Variants in PLEKHG1 observed in about 807,000 individuals in gnomAD.
PLEKHG1 encodes the protein pleckstrin homology and RhoGEF domain containing G1.
In PLEKHG1, 44 loss-of-function variants were observed where a neutral mutation model predicts 100.8. That is an observed-to-expected ratio of 0.44 (90% CI 0.34 to 0.56). The LOEUF is 0.56. Among genes scored for constraint, PLEKHG1 ranks in the 20% least tolerant of loss-of-function variants. The pLI is 0.01. For missense variants in PLEKHG1, 1,545 were observed against 1,720.9 expected, an observed-to-expected ratio of 0.90 and a Z score of 1.81; for synonymous variants, 640 against 662.5, an observed-to-expected ratio of 0.97 and a Z score of 0.52.
At chr6:150,704,906 AG>A (rs1780943257) in intron 3 of PLEKHG1, among the ~76,000 whole-genome samples, 2 of 152,178 alleles carry the variant, frequency 1.3e-5, no homozygotes, top group Non-Finnish European at 2.9e-5. Context: ...GCATAGAGAG[AG>A]AGCAAGATCT....
chr6:150,638,133 T>A (rs1008836417), intron 2 of PLEKHG1: 5 of 152,224 alleles, frequency 3.3e-5, no homozygotes, highest in African/African-American at 1.2e-4. Flanking sequence ...AAGGTATTGT[T>A]CTTCAAAGAT....
chr6:150,828,200 T>C, intron 14 of PLEKHG1: 1 of 1,613,934 alleles, frequency 6.2e-7, no homozygotes, highest in Non-Finnish European at 8.5e-7. Context: ...CTCAGTTTAT[T>C]GGTCCTCTGA....
intron 15 of PLEKHG1, among the ~76,000 whole-genome samples, chr6:150,839,054 A>C (rs1221255950): frequency 6.6e-6 from 1 of 152,188 alleles, no homozygotes; most frequent in Non-Finnish European, 1.5e-5. Context: ...AGACAAAAAA[A>C]GAATGATGGG....
intron 1 of PLEKHG1, among the ~76,000 whole-genome samples, chr6:150,612,391 G>A (rs767158752): frequency 6.6e-6 from 1 of 152,132 alleles, no homozygotes; most frequent in Non-Finnish European, 1.5e-5. Context: ...GGAGTGCAGT[G>A]GCATGATCTC....
At chr6:150,751,456 A>G (rs111782469) in intron 2 of PLEKHG1, among the ~76,000 whole-genome samples, 5 of 152,314 alleles carry the variant, frequency 3.3e-5, no homozygotes, top group African/African-American at 9.6e-5. Flanking sequence ...GCATAAGTCT[A>G]CTGATGACTA....
chr6:150,811,210 A>G (rs1787505026), intron 10 of PLEKHG1, among the ~76,000 whole-genome samples: 1 of 152,092 alleles, frequency 6.6e-6, no homozygotes, highest in Non-Finnish European at 1.5e-5. Flanking sequence ...TAAAGTGTTC[A>G]ATTGCGTTGA....
intron 1 of PLEKHG1, among the ~76,000 whole-genome samples, chr6:150,730,763 C>T (rs1048369952): frequency 2.6e-5 from 4 of 151,964 alleles, no homozygotes; most frequent in African/African-American, 7.3e-5. Context: ...ATTAGCTGGG[C>T]GTGGTGGCAC....
chr6:150,680,102 G>A (rs4869927), intron 3 of PLEKHG1, among the ~76,000 whole-genome samples: 27,815 of 152,136 alleles, frequency 0.18, 2,611 homozygotes, highest in South Asian at 0.26. Flanking sequence ...TTCAGCTGAT[G>A]GGGTAAGGAT....
chr6:150,649,184 A>G (rs1582880290), intron 2 of PLEKHG1, among the ~76,000 whole-genome samples: 1 of 152,196 alleles, frequency 6.6e-6, no homozygotes, highest in East Asian at 1.9e-4. Context: ...TACTCCTCCT[A>G]TGCAGAATAA....
At chr6:150,756,822 G>A (rs9397348) in intron 2 of PLEKHG1, among the ~76,000 whole-genome samples, 46,669 of 152,000 alleles carry the variant, frequency 0.31, 9,248 homozygotes, top group African/African-American at 0.56. Flanking sequence ...AATGAACACT[G>A]TTTGAGTACG....
intron 3 of PLEKHG1, among the ~76,000 whole-genome samples, chr6:150,659,124 G>T (rs1167203527): frequency 6.6e-6 from 1 of 151,296 alleles, no homozygotes; most frequent in Non-Finnish European, 1.5e-5. Flanking sequence ...CACCCGTGTT[G>T]GGACTGGGTT....
chr6:150,832,137 A>G (rs775537218), exon 15 of PLEKHG1: 2 of 1,613,274 alleles, frequency 1.2e-6, no homozygotes, highest in African/African-American at 1.3e-5. Context: ...GCCAGTCAGC[A>G]TCAGAAATCC....
intron 12 of PLEKHG1, among the ~76,000 whole-genome samples, chr6:150,820,008 G>A (rs962309511): frequency 4.0e-5 from 6 of 151,672 alleles, no homozygotes; most frequent in Non-Finnish European, 7.4e-5. Flanking sequence ...TCAGGAGTTC[G>A]AAACCAGCCT....
chr6:150,737,281 A>ATTT (rs34129872), intron 2 of PLEKHG1, among the ~76,000 whole-genome samples: 7 of 117,030 alleles, frequency 6.0e-5, no homozygotes, highest in East Asian at 5.1e-4. Context: ...TCATATGGGT[A>ATTT]TTTTTTTTTT....
rs201618525 is a variant in PLEKHG1, at chr6:150,809,891, C to CAAAA, written c.1278+168_1278+171dup. ...CAAAATAAAAACAAAGAGACTGGGT[C>CAAAA]AAAAAAAAAAAAAAGAGTTTAGAAT... On this transcript the variant is annotated intron_variant, in intron 10 of 15. Coordinates refer to ENST00000358517, the Ensembl canonical transcript of PLEKHG1. Among the ~76,000 whole-genome samples the CAAAA allele has an allele frequency of 2.8e-3, 381 of 135,792 alleles. 4 individuals carry two copies. Among genetic ancestry groups the CAAAA allele is most frequent in the African/African-American group, 6.4e-3 (239 of 37,580 alleles). 89.1% of individuals were successfully genotyped at this position (135,792 alleles called of 152,430 possible).
At position 150,818,112 on chromosome 6, in the gene PLEKHG1, T is replaced by A. The variant is rs1374089602; in HGVS notation, c.1279-71T>A. ...ATCTATTTATTCAGGTGGGATAAGA[T>A]CTGTGTTGAGATTTGGAGTTTAAAG... On this transcript the variant is annotated intron_variant, in intron 10 of 15. Transcript: ENST00000358517. 8 of 1,103,042 alleles carry A rather than the reference T, an allele frequency of 7.3e-6. No individual in the cohort carries two copies. The Admixed American group carries it at 1.3e-4, about 18-fold the overall frequency. The allele number at this position is 1,103,042 out of a possible 1,614,324, so 68.3% of individuals were successfully genotyped here. A position where few individuals can be genotyped will look rare whatever the true frequency, so the allele number is the denominator to read the frequency against.
intron 1 of PLEKHG1, among the ~76,000 whole-genome samples, chr6:150,728,566 AC>A (rs1336662327): frequency 6.6e-6 from 1 of 151,634 alleles, no homozygotes; most frequent in Non-Finnish European, 1.5e-5. Flanking sequence ...ACAGAGTGAG[AC>A]CCTGTTTCAA....
chr6:150,722,881 T>C (rs956052611), intron 1 of PLEKHG1, among the ~76,000 whole-genome samples: 4 of 152,202 alleles, frequency 2.6e-5, no homozygotes, highest in Admixed American at 1.3e-4. Flanking sequence ...GTTACTGCCT[T>C]GAGACTGATA....
chr6:150,759,175 C>T (rs930995597), intron 2 of PLEKHG1, among the ~76,000 whole-genome samples: 1 of 152,170 alleles, frequency 6.6e-6, no homozygotes, highest in African/African-American at 2.4e-5. Flanking sequence ...GACGAGAACT[C>T]ATGAGCCAGT....
Sources: gnomAD v4.1 joint callset for allele counts (sites outside exome capture counted in the v4.1 genomes callset) on GRCh38, gnomAD v4.1.1 for gene constraint, MANE v1.5 for transcripts, NCBI Gene and HGNC (gene_info 2026-07-23, HGNC 2026-07-21) for gene names.